Variants in NID2 observed in about 807,000 individuals in gnomAD.
The protein encoded by NID2 is nidogen-2.
Under a neutral mutation model 145.4 loss-of-function variants are expected in NID2, and 83 were observed. The ratio of observed to expected loss-of-function variants is 0.57; its 90% CI spans 0.48 to 0.69. NID2 has a LOEUF of 0.69. NID2 is among the 30% of genes least tolerant of loss of function. NID2 has a pLI of 0.00. For synonymous variants in NID2, 739 were observed against 701.3 expected (o/e 1.05, Z -0.85); for missense variants, 1,807 against 1,765.7 (o/e 1.02, Z -0.42).
rs778941577 is a variant in NID2 at position 52,067,927 on chromosome 14, G to A, written c.465C>T (p.Ala155=). The A allele has an allele frequency of 1.2e-6, 2 of 1,612,688 alleles. No homozygotes were observed. Among genetic ancestry groups the A allele is most frequent in the East Asian group, 4.5e-5 (2 of 44,868 alleles). ...PRSARFTPTH[A]FLATWEQVGA... ...CTACCTGCTCCCAGGTGGCCAGGAA[G>A]GCGTGGGTGGGGGTAAAGCGCGCAG... The change falls in exon 2 of 22, where the codon GCC becomes GCT. Residue 155 remains alanine, a synonymous_variant. Transcript: ENST00000216286.
rs80018974 is a variant in NID2 at position 52,030,519 on chromosome 14, A to G, written c.2258-829T>C. Among the ~76,000 whole-genome samples, 11 of 27,640 alleles carry G rather than the reference A, an allele frequency of 4.0e-4. 1 individual carries two copies. The highest frequency in any genetic ancestry group is 9.0e-4 in the African/African-American group (8 of 8,904). The allele number at this position is 27,640 out of a possible 152,430, so 18.1% of individuals were successfully genotyped here. A position where few individuals can be genotyped will look rare whatever the true frequency, so the allele number is the denominator to read the frequency against. The stretch of plus-strand genomic sequence containing the variant: ...AAAGAAAGAGAAAGAAAGAAAGAAA[A>G]GAAAGAAAGAAAGAAAGAAAGAAAG... On this transcript the variant is annotated intron_variant, in intron 9 of 21. Transcript: ENST00000216286.
chr14:52,014,395 T>C lies in NID2; in HGVS notation c.3312A>G (p.Pro1104=). 1.2e-6 allele frequency: 2 copies of C among 1,614,128 alleles called. No individual in the cohort carries two copies. The highest frequency in any genetic ancestry group is 1.7e-6 in the Non-Finnish European group (2 of 1,180,008). Residue 1104 remains proline, a synonymous_variant, in exon 16 of 22, where the codon CCA becomes CCG. Coordinates refer to ENST00000216286, the MANE Select transcript of NID2 (RefSeq NM_007361.4). ...RPTPRPDVTP[P]SVGTFLLYTQ... is the part of the protein sequence containing the mutation. ...TATAGAGCAGGAAGGTGCCCACAGA[T>C]GGAGGGGTCACATCTGGCCGGGGCG...
chr14:52,034,598 G>A (rs778094041), intron 9 of NID2, among the ~76,000 whole-genome samples: 4 of 152,078 alleles, frequency 2.6e-5, no homozygotes, highest in Admixed American at 6.5e-5. Context: ...AGTCACTTTC[G>A]CATCCTAGAA....
At position 52,056,753 on chromosome 14, in the gene NID2, C is replaced by T. The variant is rs530164594; in HGVS notation, c.768-2432G>A. Among the ~76,000 whole-genome samples, 98 of 152,252 alleles carry T rather than the reference C, an allele frequency of 6.4e-4. 1 individual carries two copies. The highest frequency in any genetic ancestry group is 2.4e-3 in the African/African-American group (98 of 41,544). On this transcript the variant is annotated intron_variant, in intron 3 of 21. Coordinates refer to ENST00000216286, the MANE Select transcript of NID2 (RefSeq NM_007361.4). ...GTTGCAGTGAACCGAGGTCATGCCA[C>T]TGCACTCCAGCCTGGATGACAGAAC... is the stretch of plus-strand genomic sequence containing the variant.
Position 52,027,264 on chromosome 14 carries a change from C to T in NID2, c.2611G>A (p.Gly871Arg). The change falls in exon 12 of 22, where the codon GGA becomes AGA. Residue 871 changes from glycine to arginine, a missense_variant. Coordinates refer to ENST00000216286, the MANE Select transcript of NID2 (RefSeq NM_007361.4). ...PAGQARCVHH[G>R]GSTFSCACLP... ...CAGGCACAGCTGAACGTGCTGCCTC[C>T]ATGGTGAACACACCGGGCCTGCCCA... 6.3e-7 allele frequency: 1 copy of T among 1,596,120 alleles called. No individual in the cohort carries two copies. Among genetic ancestry groups the T allele is most frequent in the African/African-American group, 1.4e-5 (1 of 73,668 alleles).
chr14:52,019,256 G>C lies in NID2; in HGVS notation c.2833C>G (p.Arg945Gly). Residue 945 changes from arginine (R) to glycine (G), a missense_variant, in exon 14 of 22, where the codon CGC becomes GGC. Coordinates refer to ENST00000216286, the MANE Select transcript of NID2 (RefSeq NM_007361.4). ...TAGGCATACTGGGCCTGGGCATGGC[G>C]CTGCTGTTGTTCACAGGGTGTCAGG... is the stretch of plus-strand genomic sequence containing the variant. ...SSLTPCEQQQ[R>G]HAQAQYAYPG... 1.9e-6 allele frequency: 3 copies of C among 1,603,220 alleles called. No homozygotes were observed. The East Asian group carries it at 6.7e-5, about 36-fold the overall frequency.
intron 9 of NID2, among the ~76,000 whole-genome samples, chr14:52,033,214 CAG>C (rs1383396647): frequency 2.6e-5 from 4 of 152,202 alleles, no homozygotes; most frequent in African/African-American, 9.7e-5. Flanking sequence ...ACTCTCTTAA[CAG>C]AGGATCTGGA....
In NID2 at chr14:52,054,126, A is replaced by C. The variant is rs1309580207; in HGVS notation, c.963T>G (p.Asn321Lys). ...NEDNLDYYDV[N>K]EEEAEYLPGE... ...CCGGAAGGTATTCAGCTTCCTCCTC[A>C]TTCACATCATAGTAATCCAAATTGT... Residue 321 changes from asparagine (N) to lysine (K), a missense_variant, in exon 4 of 22, where the codon AAT becomes AAG. Transcript: ENST00000216286. 1.9e-6 allele frequency: 3 copies of C among 1,614,116 alleles called. No homozygotes were observed. The highest frequency in any genetic ancestry group is 2.5e-6 in the Non-Finnish European group (3 of 1,180,014).
In NID2 at chr14:52,035,856, G is replaced by GTATATATATATATA. The variant is rs60735637; in HGVS notation, c.2257+2877_2257+2890dup. On this transcript the variant is annotated intron_variant, in intron 9 of 21. Coordinates refer to ENST00000216286, the MANE Select transcript of NID2 (RefSeq NM_007361.4). The stretch of plus-strand genomic sequence containing the variant: ...ACCACACCTGGCTAAATTTTTTTGT[G>GTATATATATATATA]TATATATATATATATATATATATGT... Among the ~76,000 whole-genome samples the GTATATATATATATA allele has an allele frequency of 4.7e-3, 308 of 65,244 alleles. 2 individuals carry two copies. Among genetic ancestry groups the GTATATATATATATA allele is most frequent in the East Asian group, 0.018 (46 of 2,592 alleles). The allele number at this position is 65,244 out of a possible 152,430, so 42.8% of individuals were successfully genotyped here.
rs1892756665 is a variant in NID2 at position 52,053,794 on chromosome 14, G to A, written c.1214C>T (p.Ala405Val). 2 of 1,614,208 alleles carry A rather than the reference G, an allele frequency of 1.2e-6. No homozygotes were observed. Among genetic ancestry groups the A allele is most frequent in the Non-Finnish European group, 1.7e-6 (2 of 1,180,030 alleles). The part of the protein sequence containing the change: ...APPEVDRDSL[A>V]PSWETPPPYP... ...CGGTGGTGGGGTTTCCCAGGAAGGA[G>A]CCAGTGAATCTCTGTCTACCTCTGG... The change falls in exon 5 of 22, where the codon GCT becomes GTT. Residue 405 changes from alanine to valine, a missense_variant. Transcript: ENST00000216286.
chr14:52,011,825 G>A (rs1891041942), intron 16 of NID2, 142 bp from the exon 17 acceptor site: 4 of 956,906 alleles, frequency 4.2e-6, no homozygotes, highest in Non-Finnish European at 6.3e-6. Context: ...AGCTGGACAT[G>A]TGGGCACTCG....
At chr14:52,005,887 A>G (rs1890759332) in intron 20 of NID2, 38 bp from the exon 21 acceptor site, 2 of 1,438,232 alleles carry the variant, frequency 1.4e-6, no homozygotes, top group African/African-American at 1.5e-5. Flanking sequence ...AGGGACAGTC[A>G]TTTACTAGAT....
chr14:52,054,427 C>T lies in NID2; in HGVS notation c.768-106G>A, dbSNP rs1486212403. On this transcript the variant is annotated intron_variant, in intron 3 of 21. Transcript: ENST00000216286. ...ATTTTAAAACGGAAAGACAGCTGGGCATGGTGGCTCACACTTATAATCCCA... is the reference window on the plus strand; with the variant it reads ...ATTTTAAAACGGAAAGACAGCTGGGTATGGTGGCTCACACTTATAATCCCA... 8 of 1,129,860 alleles carry T rather than the reference C, an allele frequency of 7.1e-6. No homozygotes were observed. The African/African-American group carries it at 1.1e-4, about 15-fold the overall frequency. 70.0% of individuals were successfully genotyped at this position (1,129,860 alleles called of 1,614,324 possible).
intron 9 of NID2, among the ~76,000 whole-genome samples, chr14:52,033,279 T>TC (rs1229023196): frequency 6.6e-6 from 1 of 152,058 alleles, no homozygotes; most frequent in Non-Finnish European, 1.5e-5. Flanking sequence ...AAAGGAACAG[T>TC]CCCTTCAGCT....
intron 17 of NID2, 133 bp from the exon 18 acceptor site, chr14:52,011,180 AC>A: frequency 1.3e-6 from 1 of 772,388 alleles, no homozygotes; most frequent in Non-Finnish European, 2.1e-6. Flanking sequence ...GTCCCCAAGA[AC>A]CAGGTTAATA....
intron 16 of NID2, among the ~76,000 whole-genome samples, chr14:52,012,819 CCAG>C (rs1184694333): frequency 2.6e-4 from 40 of 152,322 alleles, no homozygotes; most frequent in African/African-American, 8.2e-4. Flanking sequence ...TCTGAGAAGC[CCAG>C]CAGATGTGCA....
At chr14:52,020,594 G>A (rs1291065321) in intron 12 of NID2, among the ~76,000 whole-genome samples, 3 of 151,200 alleles carry the variant, frequency 2.0e-5, no homozygotes, top group South Asian at 2.1e-4. Flanking sequence ...TTTTTCTTTC[G>A]TTGTTGGCAC....
intron 9 of NID2, 107 bp from the exon 10 acceptor site, chr14:52,029,797 C>T (rs1223782207): frequency 1.1e-6 from 1 of 896,476 alleles, no homozygotes; most frequent in Non-Finnish European, 1.7e-6. Flanking sequence ...TTTTGTGACA[C>T]ACCGGAAGAC....
intron 7 of NID2, 89 bp downstream of exon 7, chr14:52,042,016 T>A: frequency 1.4e-6 from 2 of 1,452,830 alleles, no homozygotes; most frequent in Non-Finnish European, 1.8e-6. Context: ...GATTCCTCTG[T>A]CACTGCGTAA....
Sources: gnomAD v4.1 joint callset for allele counts (sites outside exome capture counted in the v4.1 genomes callset) on GRCh38, gnomAD v4.1.1 for gene constraint, MANE v1.5 for transcripts, NCBI Gene and HGNC (gene_info 2026-07-23, HGNC 2026-07-21) for gene names.